Variants in PTPRD observed in about 807,000 individuals in gnomAD.
PTPRD encodes the protein protein tyrosine phosphatase receptor type D, also known as receptor-type tyrosine-protein phosphatase delta.
A neutral mutation model predicts 214.5 loss-of-function variants in PTPRD; 34 were observed. That is an observed-to-expected ratio of 0.16 (90% CI 0.12 to 0.21). The LOEUF is 0.21. Ranked by LOEUF, PTPRD falls within the 10% of genes least tolerant of loss-of-function variation. The pLI is 1.00. For missense variants in PTPRD, 2,545 were observed against 2,398.7 expected (o/e 1.06, Z -1.27); for synonymous variants, 1,128 against 845.7 (o/e 1.33, Z -5.79).
chr9:9,671,466 G>C (rs1382641335), intron 7 of PTPRD, among the ~76,000 whole-genome samples: 1 of 152,060 alleles, frequency 6.6e-6, no homozygotes, highest in African/African-American at 2.4e-5. Context: ...GGGGACTGTT[G>C]GGGAGGCATA....
chr9:10,257,814 G>C (rs1231285615), intron 3 of PTPRD, among the ~76,000 whole-genome samples: 3 of 151,974 alleles, frequency 2.0e-5, no homozygotes, highest in Non-Finnish European at 2.9e-5. Context: ...AATAATACAA[G>C]GCCAACTAAA....
chr9:8,567,628 G>A (rs965565937), intron 14 of PTPRD, among the ~76,000 whole-genome samples: 3 of 152,126 alleles, frequency 2.0e-5, no homozygotes, highest in African/African-American at 7.2e-5. Context: ...AGTTATATTT[G>A]CGTGTAATCT....
At chr9:8,974,659 C>A (rs2099257967) in intron 11 of PTPRD, among the ~76,000 whole-genome samples, 1 of 152,076 alleles carries the variant, frequency 6.6e-6, no homozygotes, top group East Asian at 1.9e-4. Context: ...TATTAATCCT[C>A]TTTAAGCCTT....
intron 7 of PTPRD, among the ~76,000 whole-genome samples, chr9:9,733,946 C>T (rs2098246239): frequency 6.6e-6 from 1 of 152,154 alleles, no homozygotes; most frequent in Non-Finnish European, 1.5e-5. Context: ...AAATACACAA[C>T]TTCACAGAAA....
At chr9:9,832,234 G>A (rs1353201202) in intron 5 of PTPRD, among the ~76,000 whole-genome samples, 1 of 151,934 alleles carries the variant, frequency 6.6e-6, no homozygotes, top group Non-Finnish European at 1.5e-5. Flanking sequence ...AGTAGATCTT[G>A]GAGTAGCAGA....
chr9:8,748,605 A>C (rs1419967814), intron 11 of PTPRD, among the ~76,000 whole-genome samples: 1 of 151,926 alleles, frequency 6.6e-6, no homozygotes, highest in African/African-American at 2.4e-5. Context: ...GGTCAAAACT[A>C]TTCATTGCAT....
intron 4 of PTPRD, among the ~76,000 whole-genome samples, chr9:10,031,202 A>T (rs2097059181): frequency 6.6e-6 from 1 of 152,120 alleles, no homozygotes. Context: ...AATTTAAGTG[A>T]ATTATCTAAC....
chr9:9,074,210 T>C (rs1410802405), intron 10 of PTPRD, among the ~76,000 whole-genome samples: 1 of 152,162 alleles, frequency 6.6e-6, no homozygotes, highest in African/African-American at 2.4e-5. Context: ...AGCTTCCTTT[T>C]TCCTGAGTTT....
At chr9:9,671,146 G>C (rs1000699160) in intron 7 of PTPRD, among the ~76,000 whole-genome samples, 59 of 152,230 alleles carry the variant, frequency 3.9e-4, no homozygotes, top group African/African-American at 1.2e-3. Flanking sequence ...CAAGACCATG[G>C]GAAGCCACCT....
intron 2 of PTPRD, among the ~76,000 whole-genome samples, chr9:10,411,393 G>A (rs1359098): frequency 0.73 from 110,768 of 151,630 alleles, 41,130 homozygotes; most frequent in Non-Finnish European, 0.81. Flanking sequence ...GCAACCATAT[G>A]TCTAAGTTCT....
chr9:8,755,461 A>G (rs113935569), intron 11 of PTPRD, among the ~76,000 whole-genome samples: 7,583 of 150,070 alleles, frequency 0.051, 477 homozygotes, highest in African/African-American at 0.15. Flanking sequence ...CCTGGCAGGC[A>G]GAGGTTGCAG....
chr9:8,602,921 G>A (rs922251951), intron 14 of PTPRD, among the ~76,000 whole-genome samples: 10 of 151,986 alleles, frequency 6.6e-5, no homozygotes, highest in African/African-American at 1.5e-4. Context: ...AAACTCATTC[G>A]ATATAATCCC....
At chr9:10,599,907 C>T (rs930418819) in intron 2 of PTPRD, among the ~76,000 whole-genome samples, 3 of 151,758 alleles carry the variant, frequency 2.0e-5, no homozygotes, top group Admixed American at 2.0e-4. Context: ...TGCTTAATCA[C>T]TGACTCAAAG....
intron 3 of PTPRD, among the ~76,000 whole-genome samples, chr9:10,247,198 A>G (rs1162948327): frequency 6.6e-6 from 1 of 152,160 alleles, no homozygotes; most frequent in African/African-American, 2.4e-5. Flanking sequence ...AGAAACCTAC[A>G]TACCTAGAGA....
At chr9:8,909,139 A>C (rs2098729095) in intron 11 of PTPRD, among the ~76,000 whole-genome samples, 1 of 152,002 alleles carries the variant, frequency 6.6e-6, no homozygotes, top group Admixed American at 6.6e-5. Context: ...GGGAATTAAA[A>C]ATCTTCTCAT....
In PTPRD at chr9:8,484,295, T is replaced by C. The variant is rs2096951151; in HGVS notation, c.3237A>G (p.Lys1079=). Residue 1079 remains lysine (K), a synonymous_variant, in exon 30 of 46, where the codon AAA becomes AAG. Coordinates refer to ENST00000381196, the MANE Select transcript of PTPRD (RefSeq NM_002839.4). ...QKLIVNLKPE[K]SYSFVLTNRG... ...GATTTGTCAGCACAAATGAATATGA[T>C]TTCTCAGGCTTCAGGTTGACAATTA... is the stretch of plus-strand genomic sequence containing the variant. 6 of 1,614,118 alleles carry C rather than the reference T, an allele frequency of 3.7e-6. No homozygotes were observed. The highest frequency in any genetic ancestry group is 5.1e-6 in the Non-Finnish European group (6 of 1,180,026).
chr9:10,232,197 G>C (rs945611378), intron 3 of PTPRD, among the ~76,000 whole-genome samples: 3 of 151,842 alleles, frequency 2.0e-5, no homozygotes, highest in Admixed American at 2.0e-4. Flanking sequence ...CAGCCTGCAG[G>C]ACCTTGAGCT....
chr9:9,367,100 T>C (rs990161733), intron 9 of PTPRD, among the ~76,000 whole-genome samples: 1 of 151,540 alleles, frequency 6.6e-6, no homozygotes, highest in Non-Finnish European at 1.5e-5. Context: ...GTTTTTGATT[T>C]ATAAATGAAG....
In PTPRD at chr9:8,464,136, G is replaced by A. The variant is rs374770382; in HGVS notation, c.3714+1330C>T. ...AGCGGAAGACATCAGAAACCACAGT[G>A]TGTAGTTCAGTGGTTCAGTCTGCAG... On this transcript the variant is annotated intron_variant, in intron 32 of 45. Transcript: ENST00000381196. Among the ~76,000 whole-genome samples the A allele has an allele frequency of 8.6e-5, 13 of 151,816 alleles. No individual in the cohort carries two copies. In the East Asian group the frequency reaches 1.2e-3, roughly 14 times the overall value.
Sources: allele counts gnomAD v4.1 joint callset (sites outside exome capture counted in the v4.1 genomes callset), GRCh38; gene constraint gnomAD v4.1.1; transcripts MANE v1.5; gene names NCBI Gene and HGNC (gene_info 2026-07-23, HGNC 2026-07-21).